The following KCNIP4 variants were observed in gnomAD, a reference collection of about 807,000 sequenced individuals.
The protein encoded by KCNIP4 is potassium voltage-gated channel interacting protein 4.
KCNIP4 carries 12 observed loss-of-function variants against 34.0 expected under a neutral mutation model. The ratio of observed to expected loss-of-function variants is 0.35; its 90% CI spans 0.23 to 0.57. The LOEUF (loss-of-function observed/expected upper bound fraction) is 0.57, where lower values mean the gene tolerates loss of function less well. Among genes scored for constraint, KCNIP4 ranks in the 20% least tolerant of loss-of-function variants. KCNIP4 has a pLI of 0.83. For synonymous variants in KCNIP4, 124 were observed against 102.2 expected, an observed-to-expected ratio of 1.21 and a Z score of -1.29; for missense variants, 238 against 311.7, an observed-to-expected ratio of 0.76 and a Z score of 1.78.
chr4:21,763,887 G>A (rs2109174974), intron 1 of KCNIP4, among the ~76,000 whole-genome samples: 1 of 152,194 alleles, frequency 6.6e-6, no homozygotes, highest in African/African-American at 2.4e-5. Flanking sequence ...TTTGAAAAAG[G>A]AACCCTCAGC....
At chr4:21,863,280 AGATG>A (rs1462586755) in intron 1 of KCNIP4, among the ~76,000 whole-genome samples, 5 of 93,040 alleles carry the variant, frequency 5.4e-5, no homozygotes, top group African/African-American at 1.5e-4. Context: ...TTTTTTTGGC[AGATG>A]GTCTATTTAG....
At chr4:21,570,826 A>G (rs1471997829) in intron 1 of KCNIP4, among the ~76,000 whole-genome samples, 1 of 152,122 alleles carries the variant, frequency 6.6e-6, no homozygotes, top group African/African-American at 2.4e-5. Flanking sequence ...GCACTTTCCT[A>G]TATCACATCG....
At chr4:21,197,038 T>A (rs907540684) in intron 1 of KCNIP4, among the ~76,000 whole-genome samples, 43 of 152,332 alleles carry the variant, frequency 2.8e-4, no homozygotes, top group African/African-American at 1.0e-3. Flanking sequence ...ACAATATAGC[T>A]TTTTGTGCTT....
chr4:20,871,198 C>CA (rs1346882324), intron 2 of KCNIP4, among the ~76,000 whole-genome samples: 4 of 151,932 alleles, frequency 2.6e-5, no homozygotes, highest in Non-Finnish European at 2.9e-5. Context: ...TTAGAATGAA[C>CA]AAAAACAACC....
Position 21,368,013 on chromosome 4 carries a change from G to T in KCNIP4, c.62-485304C>A, listed in dbSNP as rs1050970847. Among the ~76,000 whole-genome samples the T allele has an allele frequency of 6.8e-5, 10 of 147,294 alleles. No homozygotes were observed. The East Asian group carries it at 1.6e-3, about 23-fold the overall frequency. The stretch of plus-strand genomic sequence containing the variant: ...TTTAACTCTCAACACCTCTTGCCAG[G>T]CTGAGACAAAATGGTGAAACAAGGT... On this transcript the variant is annotated intron_variant, in intron 1 of 8. Transcript: ENST00000382152.
chr4:21,356,803 T>C (rs187641601), intron 1 of KCNIP4, among the ~76,000 whole-genome samples: 1 of 152,192 alleles, frequency 6.6e-6, no homozygotes, highest in East Asian at 1.9e-4. Context: ...CTTCACAGAA[T>C]TGGAAAAAAC....
Position 21,636,568 on chromosome 4 carries a change from G to C in KCNIP4, c.61+312003C>G, listed in dbSNP as rs527976494. Among the ~76,000 whole-genome samples the C allele has an allele frequency of 2.1e-3, 315 of 152,224 alleles. 3 individuals are homozygous for C. Among genetic ancestry groups the C allele is most frequent in the Non-Finnish European group, 3.7e-3 (250 of 68,002 alleles). ...CCACATTTTTTCCTGCTGTGTGGCA[G>C]ACAATGAAGTGTAATACTGACATTC... On this transcript the variant is annotated intron_variant, in intron 1 of 8. Coordinates refer to ENST00000382152, the MANE Select transcript of KCNIP4 (RefSeq NM_025221.6).
intron 1 of KCNIP4, among the ~76,000 whole-genome samples, chr4:21,196,356 C>T (rs1312139339): frequency 6.6e-6 from 1 of 152,024 alleles, no homozygotes; most frequent in African/African-American, 2.4e-5. Flanking sequence ...AGTATTTACC[C>T]TTTTGCCTTT....
intron 1 of KCNIP4, among the ~76,000 whole-genome samples, chr4:21,584,782 C>T (rs1047142978): frequency 2.0e-5 from 3 of 152,020 alleles, no homozygotes; most frequent in Admixed American, 6.6e-5. Context: ...TTGGAAGGAA[C>T]ACACTCACAC....
At chr4:21,025,541 C>CTTTTTTT (rs1740456779) in intron 1 of KCNIP4, among the ~76,000 whole-genome samples, 1 of 32,054 alleles carries the variant, frequency 3.1e-5, no homozygotes, top group Non-Finnish European at 5.7e-5. Context: ...CTCATTGATA[C>CTTTTTTT]TGTTTTTTTT....
At chr4:20,904,209 G>A (rs972548247) in intron 1 of KCNIP4, among the ~76,000 whole-genome samples, 1 of 151,774 alleles carries the variant, frequency 6.6e-6, no homozygotes, top group African/African-American at 2.4e-5. Context: ...TGGTCAAGTT[G>A]GTGTCATCCA....
At chr4:21,705,254 C>T (rs898058924) in intron 1 of KCNIP4, among the ~76,000 whole-genome samples, 2 of 152,076 alleles carry the variant, frequency 1.3e-5, no homozygotes, top group Non-Finnish European at 2.9e-5. Flanking sequence ...AAGTGCAACA[C>T]GGCAGATCCT....
intron 1 of KCNIP4, among the ~76,000 whole-genome samples, chr4:21,776,186 T>A (rs551382015): frequency 6.6e-6 from 1 of 152,168 alleles, no homozygotes; most frequent in South Asian, 2.1e-4. Flanking sequence ...GGAGAGGGGG[T>A]TCCCCTTCCC....
At chr4:21,882,773 T>G (rs1726530247) in intron 1 of KCNIP4, among the ~76,000 whole-genome samples, 1 of 152,090 alleles carries the variant, frequency 6.6e-6, no homozygotes, top group Admixed American at 6.6e-5. Context: ...GGAGAGCTCA[T>G]CAGCAAAAAT....
rs763554296 is a variant in KCNIP4, at chr4:21,817,217, T to C, written c.61+131354A>G. Reference sequence around the variant, plus strand: ...CAAATGGAGGGACCATCTGGAGCCGTGGCAGAGGAACATAAGTTTTGAAGA... The same window carrying C: ...CAAATGGAGGGACCATCTGGAGCCGCGGCAGAGGAACATAAGTTTTGAAGA... On this transcript the variant is annotated intron_variant, in intron 1 of 8. Transcript: ENST00000382152. Among the ~76,000 whole-genome samples the C allele has an allele frequency of 5.5e-4, 84 of 152,282 alleles. 2 individuals carry two copies. The highest frequency in any genetic ancestry group is 3.9e-4 in the Admixed American group (6 of 15,296).
intron 1 of KCNIP4, among the ~76,000 whole-genome samples, chr4:21,051,384 G>A (rs1742914528): frequency 6.6e-6 from 1 of 151,248 alleles, no homozygotes; most frequent in Non-Finnish European, 1.5e-5. Flanking sequence ...AGGTTCATTT[G>A]TTTTCATTAT....
intron 1 of KCNIP4, among the ~76,000 whole-genome samples, chr4:21,640,461 T>G (rs1457795255): frequency 6.6e-6 from 1 of 152,184 alleles, no homozygotes; most frequent in Non-Finnish European, 1.5e-5. Flanking sequence ...GAGCAGATCT[T>G]AAATGACACA....
chr4:21,893,118 T>C (rs940694592), intron 1 of KCNIP4, among the ~76,000 whole-genome samples: 2 of 152,298 alleles, frequency 1.3e-5, no homozygotes, highest in South Asian at 4.1e-4. Context: ...AGAGCCTTAA[T>C]GAGCAAAAAG....
At chr4:20,889,551 C>T (rs867189073) in intron 1 of KCNIP4, among the ~76,000 whole-genome samples, 3 of 151,904 alleles carry the variant, frequency 2.0e-5, no homozygotes, top group Admixed American at 6.6e-5. Flanking sequence ...CAGTGGAAGT[C>T]GTAAGACTTT....
Sources: gnomAD v4.1 joint callset for allele counts (sites outside exome capture counted in the v4.1 genomes callset) on GRCh38, gnomAD v4.1.1 for gene constraint, MANE v1.5 for transcripts, NCBI Gene and HGNC (gene_info 2026-07-23, HGNC 2026-07-21) for gene names.